Variants in RPS7 observed in about 807,000 individuals in gnomAD.
The protein encoded by RPS7 is small ribosomal subunit protein eS7.
RPS7 carries 1 observed loss-of-function variant against 22.1 expected under a neutral mutation model. The observed-to-expected ratio is 0.05, with a 90% CI of 0.02 to 0.21. The LOEUF (loss-of-function observed/expected upper bound fraction) is 0.21. RPS7 is among the 10% of genes least tolerant of loss of function. The pLI is 1.00. For missense variants in RPS7, 137 were observed against 246.4 expected, an observed-to-expected ratio of 0.56 and a Z score of 2.97; for synonymous variants, 80 against 92.0, an observed-to-expected ratio of 0.87 and a Z score of 0.74.
intron 1 of RPS7, 83 bp downstream of exon 1, chr2:3,575,433 GA>G (rs1318591563): frequency 1.6e-6 from 1 of 621,530 alleles, no homozygotes; most frequent in Non-Finnish European, 2.9e-6. Context: ...CTGGAGGGGC[GA>G]GCCTTGCTCA....
intron 1 of RPS7, 92 bp downstream of exon 1, chr2:3,575,442 T>C: frequency 1.6e-6 from 1 of 633,282 alleles, no homozygotes. Context: ...CGAGCCTTGC[T>C]CACAGGGTGG....
rs762462858 is a variant in RPS7, at chr2:3,576,728, C to G, written c.291+98C>G. On this transcript the variant is annotated intron_variant, in intron 4 of 6. Transcript: ENST00000645674. ...GGTAGTTGGAGTCATGAAAACAATC[C>G]TTTTATGAATCCAATTGGGTAGAAA... is the stretch of plus-strand genomic sequence containing the variant. The G allele has an allele frequency of 2.4e-5, 33 of 1,362,306 alleles. 4 individuals carry two copies. In the South Asian group the frequency reaches 3.9e-4, roughly 16 times the overall value. The allele number at this position is 1,362,306 out of a possible 1,614,324, so 84.4% of individuals were successfully genotyped here.
chr2:3,578,722 A>G (rs1290419097), intron 5 of RPS7: 2 of 152,224 alleles, frequency 1.3e-5, no homozygotes, highest in East Asian at 3.8e-4. Flanking sequence ...CCCCTAAATC[A>G]TGACACTTAA....
intron 5 of RPS7, 77 bp from the exon 6 acceptor site, chr2:3,580,033 A>G (rs1447698418): frequency 7.5e-7 from 1 of 1,339,198 alleles, no homozygotes; most frequent in African/African-American, 1.4e-5. Flanking sequence ...TTTCATTTTG[A>G]CTTAAAGAGG....
At chr2:3,580,618 G>A (rs778461388) in intron 6 of RPS7, 187 bp from the exon 7 acceptor site, 19 of 640,822 alleles carry the variant, frequency 3.0e-5, no homozygotes, top group Non-Finnish European at 4.7e-5. Flanking sequence ...CGGTGCAGTG[G>A]TGTACAGTTC....
Position 3,575,361 on chromosome 2 carries a change from G to C in RPS7, c.-19+11G>C, listed in dbSNP as rs902137328. Reference sequence around the variant, plus strand: ...CCGGCGCTCGGCAAGGTAGGTTGGCGGCCTGCTCTCCGACAGAACTTTTCT... The same window carrying C: ...CCGGCGCTCGGCAAGGTAGGTTGGCCGCCTGCTCTCCGACAGAACTTTTCT... On this transcript the variant is annotated intron_variant, in intron 1 of 6. Coordinates refer to ENST00000645674, the MANE Select transcript of RPS7 (RefSeq NM_001011.4). 1 of 547,538 alleles carries C rather than the reference G, an allele frequency of 1.8e-6. No homozygotes were observed. The highest frequency in any genetic ancestry group is 3.5e-5 in the Admixed American group (1 of 28,626). The allele number at this position is 547,538 out of a possible 1,614,324, so 33.9% of individuals were successfully genotyped here.
At chr2:3,577,666 A>T (rs752062898) in intron 4 of RPS7, 44 bp from the exon 5 acceptor site, 1 of 1,407,766 alleles carries the variant, frequency 7.1e-7, no homozygotes, top group Non-Finnish European at 1.0e-6. Flanking sequence ...TTGTCAATTT[A>T]AAGTCTTTTT....
At chr2:3,577,575 C>G in intron 4 of RPS7, 135 bp from the exon 5 acceptor site, 2 of 689,194 alleles carry the variant, frequency 2.9e-6, no homozygotes, top group Non-Finnish European at 5.3e-6. Context: ...AATTGTTCGT[C>G]TAAGTTGTTT....
chr2:3,577,900 C>T (rs189350242), intron 5 of RPS7, 126 bp downstream of exon 5: 4 of 702,264 alleles, frequency 5.7e-6, no homozygotes, highest in East Asian at 2.6e-5. Context: ...ATTTGGTTTC[C>T]TGTATAGTTG....
chr2:3,575,541 C>T lies in RPS7; in HGVS notation c.-18-51C>T. 1.0e-5 allele frequency: 14 copies of T among 1,368,136 alleles called. No homozygotes were observed. In the South Asian group the frequency reaches 1.5e-4, roughly 15 times the overall value. The allele number at this position is 1,368,136 out of a possible 1,614,324, so 84.7% of individuals were successfully genotyped here. On this transcript the variant is annotated intron_variant, in intron 1 of 6. Transcript: ENST00000645674. The stretch of plus-strand genomic sequence containing the variant: ...CGGGGGGTGCGGGCGGGAGGGCGAG[C>T]CAGCGGCGCCTGCAGCCCGGGCCGC...
chr2:3,576,865 T>A, intron 4 of RPS7: 1 of 584,384 alleles, frequency 1.7e-6, no homozygotes, highest in Middle Eastern at 3.4e-4. Flanking sequence ...AGACCCTGTC[T>A]ACAAAAAATA....
rs746170084 is a variant in RPS7 at position 3,575,883 on chromosome 2, G to T, written c.142G>T (p.Ala48Ser). 5 of 1,606,502 alleles carry T rather than the reference G, an allele frequency of 3.1e-6. No homozygotes were observed. The East Asian group carries it at 1.1e-4, about 36-fold the overall frequency. Reference protein sequence around the residue: ...AQLRELNITAAKEIEVGGGRK... With the variant: ...AQLRELNITASKEIEVGGGRK... ...GCTCAGGGAGCTGAATATTACGGCA[G>T]CTAAGGTAAGCTGGCGCTCCCTCGG... Residue 48 changes from alanine to serine, a missense_variant, in exon 3 of 7, where the codon GCT becomes TCT. This residue lies in a region of RPS7 where 63 missense variants were observed against 75.0 expected (regional missense o/e 0.84). Transcript: ENST00000645674.
intron 3 of RPS7, chr2:3,576,169 T>A: frequency 1.7e-6 from 1 of 592,104 alleles, no homozygotes; most frequent in Non-Finnish European, 3.0e-6. Context: ...TACTTAGTTA[T>A]AGATACGGCA....
At chr2:3,575,521 G>C in intron 1 of RPS7, 71 bp from the exon 2 acceptor site, 2 of 1,047,424 alleles carry the variant, frequency 1.9e-6, no homozygotes, top group South Asian at 1.3e-5. Context: ...CTGGCCGGGG[G>C]GTGCGGGCGG....
chr2:3,575,879 G>C lies in RPS7; in HGVS notation c.138G>C (p.Thr46=), dbSNP rs1661264539. The part of the protein sequence containing the change: ...LKAQLRELNI[T]AAKEIEVGGG... ...CTCAGCTCAGGGAGCTGAATATTAC[G>C]GCAGCTAAGGTAAGCTGGCGCTCCC... is the stretch of plus-strand genomic sequence containing the variant. Residue 46 remains threonine, a synonymous_variant, in exon 3 of 7, where the codon ACG becomes ACC. Coordinates refer to ENST00000645674, the MANE Select transcript of RPS7 (RefSeq NM_001011.4). The C allele has an allele frequency of 6.2e-7, 1 of 1,608,008 alleles. No individual in the cohort carries two copies. Among genetic ancestry groups the C allele is most frequent in the Non-Finnish European group, 8.5e-7 (1 of 1,177,128 alleles).
In RPS7 at chr2:3,577,431, A is replaced by G. The variant is rs1661305561; in HGVS notation, c.292-279A>G. The G allele has an allele frequency of 1.1e-5, 5 of 453,134 alleles. No individual in the cohort carries two copies. The South Asian group carries it at 1.3e-4, about 11-fold the overall frequency. The allele number at this position is 453,134 out of a possible 1,614,324, so 28.1% of individuals were successfully genotyped here. A position where few individuals can be genotyped will look rare whatever the true frequency, so the allele number is the denominator to read the frequency against. ...GCCAGGATTGATCTGGAATAAAAGT[A>G]GTATTCTGGGTCATAGGCATGGGGA... On this transcript the variant is annotated intron_variant, in intron 4 of 6. Transcript: ENST00000645674.
intron 1 of RPS7, 33 bp from the exon 2 acceptor site, chr2:3,575,559 C>A (rs770722369): frequency 4.3e-5 from 65 of 1,523,512 alleles, no homozygotes; most frequent in Non-Finnish European, 5.7e-5. Context: ...GCCTGCAGCC[C>A]GGGCCGCGTA....
chr2:3,580,652 C>A, intron 6 of RPS7, 153 bp from the exon 7 acceptor site: 1 of 674,528 alleles, frequency 1.5e-6, no homozygotes, highest in Non-Finnish European at 2.7e-6. Context: ...TGGAGAAGAG[C>A]TTGTCCCCGG....
chr2:3,576,400 G>C, intron 3 of RPS7, 87 bp from the exon 4 acceptor site: 1 of 1,146,886 alleles, frequency 8.7e-7, no homozygotes, highest in Non-Finnish European at 1.3e-6. Flanking sequence ...TACGGTGTTA[G>C]TGATAAGGTC....
Sources: gnomAD v4.1 joint callset for allele counts on GRCh38, gnomAD v4.1.1 for gene constraint, gnomAD v4.1.1 regional missense constraint, MANE v1.5 for transcripts, NCBI Gene and HGNC (gene_info 2026-07-23, HGNC 2026-07-21) for gene names.